The following MTUS2 variants were observed in gnomAD, a reference collection of about 807,000 sequenced individuals.
The protein encoded by MTUS2 is microtubule-associated tumor suppressor candidate 2.
MTUS2 carries 40 observed loss-of-function variants against 114.1 expected under a neutral mutation model. That is an observed-to-expected ratio of 0.35 (90% CI 0.27 to 0.46). The LOEUF is 0.46. Ranked by LOEUF, MTUS2 falls within the 20% of genes least tolerant of loss-of-function variation. The pLI, the probability that MTUS2 is intolerant of heterozygous loss-of-function variation, is 1.00. For synonymous variants in MTUS2, 688 were observed against 672.0 expected, an observed-to-expected ratio of 1.02 and a Z score of -0.37; for missense variants, 1,679 against 1,705.4, an observed-to-expected ratio of 0.98 and a Z score of 0.27.
At chr13:28,953,235 G>A (rs1482097992) in intron 2 of MTUS2, among the ~76,000 whole-genome samples, 5 of 151,434 alleles carry the variant, frequency 3.3e-5, no homozygotes, top group African/African-American at 7.3e-5. Flanking sequence ...TAGGCTGGGC[G>A]CAGTGTCTCA....
At chr13:29,336,681 C>T (rs1901080703) in intron 7 of MTUS2, among the ~76,000 whole-genome samples, 1 of 152,218 alleles carries the variant, frequency 6.6e-6, no homozygotes, top group Non-Finnish European at 1.5e-5. Flanking sequence ...CTGGGAAATC[C>T]ACTGCTCTCT....
intron 8 of MTUS2, among the ~76,000 whole-genome samples, chr13:29,427,215 C>G (rs1876608257): frequency 6.6e-6 from 1 of 152,222 alleles, no homozygotes; most frequent in African/African-American, 2.4e-5. Flanking sequence ...TTTTCCATTC[C>G]TTAAGGGTCG....
At chr13:28,880,708 T>G (rs1878235109) in intron 2 of MTUS2, among the ~76,000 whole-genome samples, 1 of 152,202 alleles carries the variant, frequency 6.6e-6, no homozygotes, top group African/African-American at 2.4e-5. Flanking sequence ...TGTTTTTCCA[T>G]GTACATATTA....
intron 6 of MTUS2, among the ~76,000 whole-genome samples, chr13:29,302,145 C>T: frequency 6.6e-6 from 1 of 152,200 alleles, no homozygotes; most frequent in East Asian, 1.9e-4. Flanking sequence ...AATTCAGCAC[C>T]TTCAATTGAA....
intron 1 of MTUS2, among the ~76,000 whole-genome samples, chr13:28,826,995 T>C (rs1256198561): frequency 2.1e-4 from 32 of 152,240 alleles, no homozygotes; most frequent in Admixed American, 1.8e-3. Context: ...ACATTACTCA[T>C]TGAAAATAGC....
At chr13:28,969,748 C>A (rs1325155709) in intron 2 of MTUS2, among the ~76,000 whole-genome samples, 1 of 151,618 alleles carries the variant, frequency 6.6e-6, no homozygotes, top group East Asian at 2.0e-4. Flanking sequence ...CATGACCTAC[C>A]CACCTCGGTC....
intron 7 of MTUS2, among the ~76,000 whole-genome samples, chr13:29,346,356 T>A (rs1395676629): frequency 6.6e-6 from 1 of 152,132 alleles, no homozygotes. Context: ...GCTCAGACTC[T>A]CCTTGGTAGA....
chr13:29,388,072 C>CT (rs1872749399), intron 8 of MTUS2, among the ~76,000 whole-genome samples: 1 of 152,244 alleles, frequency 6.6e-6, no homozygotes, highest in South Asian at 2.1e-4. Flanking sequence ...AGCATGGCCC[C>CT]TACCCCCAGA....
Position 29,286,843 on chromosome 13 carries a change from A to G in MTUS2, c.2806+4978A>G, listed in dbSNP as rs187393528. Among the ~76,000 whole-genome samples, 1,328 of 152,226 alleles carry G rather than the reference A, an allele frequency of 8.7e-3. 13 individuals are homozygous for G. Among genetic ancestry groups the G allele is most frequent in the Non-Finnish European group, 0.013 (884 of 68,020 alleles). ...GTAGCTGTGATTACAGGCGTGTACCACCACACCGGGCTAATTTTTGTATTT... is the reference window on the plus strand; with the variant it reads ...GTAGCTGTGATTACAGGCGTGTACCGCCACACCGGGCTAATTTTTGTATTT... On this transcript the variant is annotated intron_variant, in intron 6 of 15. Coordinates refer to ENST00000612955, the MANE Select transcript of MTUS2 (RefSeq NM_001033602.4).
At chr13:29,294,646 G>A (rs571313832) in intron 6 of MTUS2, among the ~76,000 whole-genome samples, 1 of 152,248 alleles carries the variant, frequency 6.6e-6, no homozygotes, top group South Asian at 2.1e-4. Flanking sequence ...AAGTTCAAAT[G>A]AAACAAGGCA....
chr13:29,253,830 AAGAG>A (rs10571940), intron 5 of MTUS2, among the ~76,000 whole-genome samples: 8 of 151,660 alleles, frequency 5.3e-5, no homozygotes, highest in Admixed American at 2.0e-4. Flanking sequence ...GCAGCAGGCA[AAGAG>A]AGAGAGAGAG....
chr13:29,456,792 T>A (rs1039202325), intron 9 of MTUS2, among the ~76,000 whole-genome samples: 10 of 152,096 alleles, frequency 6.6e-5, no homozygotes, highest in African/African-American at 1.9e-4. Context: ...GATGGAAACT[T>A]AGATGTATAG....
chr13:29,364,396 ATTAG>A (rs1870534552), intron 8 of MTUS2, among the ~76,000 whole-genome samples: 1 of 152,102 alleles, frequency 6.6e-6, no homozygotes, highest in South Asian at 2.1e-4. Flanking sequence ...CCCTTGGTAA[ATTAG>A]TTAATGACTT....
At position 29,071,655 on chromosome 13, in the gene MTUS2, T is replaced by C. The variant is rs375043043; in HGVS notation, c.2447-29118T>C. Among the ~76,000 whole-genome samples, 4 of 152,138 alleles carry C rather than the reference T, an allele frequency of 2.6e-5. No individual in the cohort carries two copies. The East Asian group carries it at 7.8e-4, about 30-fold the overall frequency. ...GTTGGTCAGGCTGGTCTCGAACTCCTGACTTCATGATCCGCCCGCTTTGGC... is the reference window on the plus strand; with the variant it reads ...GTTGGTCAGGCTGGTCTCGAACTCCCGACTTCATGATCCGCCCGCTTTGGC... On this transcript the variant is annotated intron_variant, in intron 4 of 15. Transcript: ENST00000612955.
At position 29,147,170 on chromosome 13, in the gene MTUS2, C is replaced by T. The variant is rs75885128; in HGVS notation, c.2644+46200C>T. ...AACCATCATTGAGGAAAGGAGATAA[C>T]GTTCATTTGCCAAGGCTATGATATG... On this transcript the variant is annotated intron_variant, in intron 5 of 15. Transcript: ENST00000612955. Among the ~76,000 whole-genome samples the T allele has an allele frequency of 2.8e-3, 421 of 152,162 alleles. 2 individuals carry two copies. The highest frequency in any genetic ancestry group is 9.7e-3 in the African/African-American group (401 of 41,508).
chr13:28,921,980 GTCCCC>G (rs1593301840), intron 2 of MTUS2, among the ~76,000 whole-genome samples: 2 of 152,212 alleles, frequency 1.3e-5, no homozygotes, highest in East Asian at 3.8e-4. Context: ...TTAGCTTTGT[GTCCCC>G]ACCCATATCT....
At chr13:28,869,574 C>T (rs1249791939) in intron 2 of MTUS2, among the ~76,000 whole-genome samples, 1 of 151,960 alleles carries the variant, frequency 6.6e-6, no homozygotes, top group Non-Finnish European at 1.5e-5. Context: ...AAATAGAGAC[C>T]ATTCTGGCCA....
At chr13:29,202,851 A>G (rs1460300067) in intron 5 of MTUS2, among the ~76,000 whole-genome samples, 2 of 152,146 alleles carry the variant, frequency 1.3e-5, no homozygotes, top group South Asian at 2.1e-4. Context: ...CAGAACAGCA[A>G]AGATTGCTGC....
chr13:29,108,059 ATACATT>A (rs1160317013), intron 5 of MTUS2, among the ~76,000 whole-genome samples: 1 of 152,224 alleles, frequency 6.6e-6, no homozygotes, highest in African/African-American at 2.4e-5. Context: ...ATACTATAAA[ATACATT>A]TACATACATA....
Sources: allele counts gnomAD v4.1 joint callset (sites outside exome capture counted in the v4.1 genomes callset), GRCh38; gene constraint gnomAD v4.1.1; transcripts MANE v1.5; gene names NCBI Gene and HGNC (gene_info 2026-07-23, HGNC 2026-07-21).